RAB11FIP4: variants seen among roughly 807,000 people sequenced by gnomAD.
RAB11FIP4 encodes RAB11 family interacting protein 4.
A neutral mutation model predicts 74.3 loss-of-function variants in RAB11FIP4; 23 were observed. The observed-to-expected ratio is 0.31, with a 90% CI of 0.22 to 0.44. The LOEUF (loss-of-function observed/expected upper bound fraction) is 0.44. RAB11FIP4 is among the 20% of genes least tolerant of loss of function. The probability of loss-of-function intolerance (pLI) is 1.00; values close to 1 mark genes in which losing one functional copy is unlikely to be tolerated. For missense variants in RAB11FIP4, 630 were observed against 863.9 expected (o/e 0.73, Z 3.39); for synonymous variants, 360 against 359.9 (o/e 1.00, Z 0.00).
rs915423762 is a variant in RAB11FIP4, at chr17:31,445,356, T to C, written c.336+11234T>C. ...GGGTGCATGTGCATACATACTACTTTTTTTCTGGACCATTTGAAAGTTAGT... is the reference window on the plus strand; with the variant it reads ...GGGTGCATGTGCATACATACTACTTCTTTTCTGGACCATTTGAAAGTTAGT... On this transcript the variant is annotated intron_variant, in intron 3 of 14. Transcript: ENST00000621161. Among the ~76,000 whole-genome samples, 3 of 151,602 alleles carry C rather than the reference T, an allele frequency of 2.0e-5. No individual in the cohort carries two copies. The South Asian group carries it at 6.2e-4, about 32-fold the overall frequency.
At chr17:31,432,810 TTAC>T (rs1389004574) in intron 2 of RAB11FIP4, among the ~76,000 whole-genome samples, 1 of 152,170 alleles carries the variant, frequency 6.6e-6, no homozygotes, top group Admixed American at 6.5e-5. Flanking sequence ...GGCCACTCAC[TTAC>T]TACTAAGCTG....
chr17:31,517,203 C>CGGGGGGGGGG (rs2072572338), intron 3 of RAB11FIP4, among the ~76,000 whole-genome samples: 1 of 8,234 alleles, frequency 1.2e-4, no homozygotes, highest in African/African-American at 6.3e-4. Flanking sequence ...GGGGGGGGGG[C>CGGGGGGGGGG]GGTGGGGGGG....
rs147868057 is a variant in RAB11FIP4 at position 31,421,225 on chromosome 17, C to T, written c.160-10588C>T. On this transcript the variant is annotated intron_variant, in intron 1 of 14. Transcript: ENST00000621161. ...TTTTGCTTGTTTTAAAATTTCTTTTCTTTTCTTTTTTTTTGAGACAGTCTC... is the reference window on the plus strand; with the variant it reads ...TTTTGCTTGTTTTAAAATTTCTTTTTTTTTCTTTTTTTTTGAGACAGTCTC... Among the ~76,000 whole-genome samples the T allele has an allele frequency of 1.3e-3, 199 of 149,630 alleles. 3 individuals carry two copies. The highest frequency in any genetic ancestry group is 4.7e-3 in the African/African-American group (190 of 40,586).
chr17:31,525,299 C>A, intron 10 of RAB11FIP4, 69 bp downstream of exon 10: 17 of 1,409,516 alleles, frequency 1.2e-5, no homozygotes, highest in Non-Finnish European at 1.6e-5. Context: ...GTGGGATAGG[C>A]GCTATCCCCA....
At chr17:31,457,558 C>T (rs753919909) in intron 3 of RAB11FIP4, among the ~76,000 whole-genome samples, 34 of 152,108 alleles carry the variant, frequency 2.2e-4, no homozygotes, top group Admixed American at 4.6e-4. Flanking sequence ...CGGGGTGGGG[C>T]GGGACAAGGT....
intron 1 of RAB11FIP4, among the ~76,000 whole-genome samples, chr17:31,430,234 A>G (rs1441151054): frequency 6.6e-6 from 1 of 151,994 alleles, no homozygotes; most frequent in Non-Finnish European, 1.5e-5. Flanking sequence ...GGTTTCCGTG[A>G]GGAGCTGACC....
intron 3 of RAB11FIP4, among the ~76,000 whole-genome samples, chr17:31,451,503 C>G (rs910594846): frequency 1.3e-5 from 2 of 151,918 alleles, no homozygotes; most frequent in African/African-American, 4.8e-5. Flanking sequence ...ATCCTCCTCT[C>G]CCTTGCATAA....
chr17:31,395,290 A>G (rs1406849717), intron 1 of RAB11FIP4, among the ~76,000 whole-genome samples: 2 of 152,250 alleles, frequency 1.3e-5, no homozygotes, highest in African/African-American at 2.4e-5. Context: ...AGAAATCTGA[A>G]TAACGTATGT....
chr17:31,490,267 C>G (rs1381246958), intron 3 of RAB11FIP4, among the ~76,000 whole-genome samples: 1 of 152,178 alleles, frequency 6.6e-6, no homozygotes, highest in Non-Finnish European at 1.5e-5. Flanking sequence ...TGGCCGTTCA[C>G]CTGGGGCCCT....
At chr17:31,519,605 C>T (rs576852530) in intron 4 of RAB11FIP4, among the ~76,000 whole-genome samples, 2 of 152,272 alleles carry the variant, frequency 1.3e-5, no homozygotes, top group Admixed American at 6.5e-5. Flanking sequence ...GTGATGGTTA[C>T]GACTGCTGCA....
chr17:31,394,833 C>G (rs890570194), intron 1 of RAB11FIP4, among the ~76,000 whole-genome samples: 22 of 150,206 alleles, frequency 1.5e-4, no homozygotes, highest in African/African-American at 5.2e-4. Context: ...CTGTATTGAC[C>G]GAGACCCGTG....
rs572974563 is a variant in RAB11FIP4, at chr17:31,537,202, G to A, written c.*5470G>A. On this transcript the variant is annotated 3_prime_UTR_variant, in exon 15 of 15. Coordinates refer to ENST00000621161, the MANE Select transcript of RAB11FIP4 (RefSeq NM_032932.6). The stretch of plus-strand genomic sequence containing the variant: ...TGCCCACTGCCTCCTTTTCTACATC[G>A]TCTCATCTCCCTGGCCTTTCCCGAG... 7.5e-6 allele frequency: 3 copies of A among 399,346 alleles called. No homozygotes were observed. Among genetic ancestry groups the A allele is most frequent in the South Asian group, 1.3e-4 (1 of 7,844 alleles). 24.7% of individuals were successfully genotyped at this position (399,346 alleles called of 1,614,324 possible).
intron 3 of RAB11FIP4, among the ~76,000 whole-genome samples, chr17:31,486,098 G>T (rs1400507849): frequency 6.6e-6 from 1 of 152,074 alleles, no homozygotes; most frequent in East Asian, 1.9e-4. Context: ...GCTGGGCGTG[G>T]TGGCACACAC....
intron 3 of RAB11FIP4, chr17:31,448,277 G>T (rs1208717964): frequency 6.6e-6 from 1 of 150,870 alleles, no homozygotes; most frequent in Non-Finnish European, 1.5e-5. Flanking sequence ...GTCTTGCTCT[G>T]TTACTCAGGC....
chr17:31,434,067 T>C lies in RAB11FIP4; in HGVS notation c.281T>C (p.Val94Ala). The C allele has an allele frequency of 6.3e-7, 1 of 1,587,510 alleles. No homozygotes were observed. Among genetic ancestry groups the C allele is most frequent in the Non-Finnish European group, 8.5e-7 (1 of 1,174,670 alleles). The change falls in exon 3 of 15, where the codon GTG (valine) becomes GCG (alanine). Residue 94 changes from valine to alanine, a missense_variant. Val to Ala is a moderately conservative substitution (Grantham distance 64). Transcript: ENST00000621161. ...GAGCTGCTGAAGGATGTGCTGTCGG[T>C]GGAGAGCGCGGGGACGCTGCCGTGC... ...CEELLKDVLS[V>A]ESAGTLPCAP...
At chr17:31,510,509 G>C (rs958936737) in intron 3 of RAB11FIP4, among the ~76,000 whole-genome samples, 11 of 152,234 alleles carry the variant, frequency 7.2e-5, no homozygotes, top group African/African-American at 2.7e-4. Flanking sequence ...TTAGTGCCTG[G>C]GGAATGAGGC....
chr17:31,503,761 G>A (rs1384561940), intron 3 of RAB11FIP4, among the ~76,000 whole-genome samples: 1 of 149,514 alleles, frequency 6.7e-6, no homozygotes, highest in Non-Finnish European at 1.5e-5. Flanking sequence ...TGGTCTGTTC[G>A]GGCTCCAGTT....
intron 3 of RAB11FIP4, among the ~76,000 whole-genome samples, chr17:31,441,424 T>C (rs1378391167): frequency 2.0e-5 from 3 of 152,194 alleles, no homozygotes; most frequent in Non-Finnish European, 4.4e-5. Context: ...ATCTTTTTGC[T>C]ATGATATTTT....
chr17:31,442,632 C>T (rs906189415), intron 3 of RAB11FIP4, among the ~76,000 whole-genome samples: 7 of 152,098 alleles, frequency 4.6e-5, no homozygotes, highest in African/African-American at 7.2e-5. Context: ...CCAACCCAGA[C>T]GGTAAATTCA....
Sources: gnomAD v4.1 joint callset for allele counts (sites outside exome capture counted in the v4.1 genomes callset) on GRCh38, gnomAD v4.1.1 for gene constraint, MANE v1.5 for transcripts, NCBI Gene and HGNC (gene_info 2026-07-23, HGNC 2026-07-21) for gene names.